Variants in SHISA9 observed in about 807,000 individuals in gnomAD.
The protein encoded by SHISA9 is shisa family member 9.
Under a neutral mutation model 38.0 loss-of-function variants are expected in SHISA9, and 13 were observed. That is an observed-to-expected ratio of 0.34 (90% CI 0.22 to 0.54). The LOEUF (loss-of-function observed/expected upper bound fraction) is 0.54, where lower values mean the gene tolerates loss of function less well. Among genes scored for constraint, SHISA9 ranks in the 20% least tolerant of loss-of-function variants. The pLI is 0.91. For synonymous variants in SHISA9, 275 were observed against 242.0 expected, an observed-to-expected ratio of 1.14 and a Z score of -1.27; for missense variants, 538 against 575.8, an observed-to-expected ratio of 0.93 and a Z score of 0.67.
the SHISA9 span, among the ~76,000 whole-genome samples, chr16:13,490,366 T>C: frequency 6.6e-6 from 1 of 152,022 alleles, no homozygotes; most frequent in African/African-American, 2.4e-5. Flanking sequence ...CTGGGTGACA[T>C]GGACAGACCC....
chr16:13,267,340 G>A, the SHISA9 span, among the ~76,000 whole-genome samples: 2 of 152,098 alleles, frequency 1.3e-5, no homozygotes, highest in South Asian at 4.1e-4. Context: ...AATTAAAATG[G>A]CAATACTATT....
chr16:13,291,049 G>A, the SHISA9 span, among the ~76,000 whole-genome samples: 3 of 152,216 alleles, frequency 2.0e-5, no homozygotes, highest in Admixed American at 2.0e-4. Context: ...CTCTAGACTA[G>A]CCTCTGGCAC....
chr16:13,197,154 T>TAG (rs1224837606), intron 2 of SHISA9, among the ~76,000 whole-genome samples: 132 of 148,752 alleles, frequency 8.9e-4, no homozygotes, highest in Admixed American at 1.7e-3. Flanking sequence ...TGTATATATA[T>TAG]ATAGAGAGAG....
chr16:12,975,735 G>A (rs967118396), intron 2 of SHISA9, among the ~76,000 whole-genome samples: 1 of 151,832 alleles, frequency 6.6e-6, no homozygotes, highest in African/African-American at 2.4e-5. Flanking sequence ...AATTGTAGGT[G>A]GGGCTGGGAG....
chr16:13,363,110 G>C, the SHISA9 span, among the ~76,000 whole-genome samples: 1 of 152,200 alleles, frequency 6.6e-6, no homozygotes, highest in Non-Finnish European at 1.5e-5. Context: ...AGAGATGAGA[G>C]AATGTGGATT....
chr16:13,136,237 T>C (rs1031660796), intron 2 of SHISA9, among the ~76,000 whole-genome samples: 1 of 152,092 alleles, frequency 6.6e-6, no homozygotes, highest in East Asian at 1.9e-4. Context: ...TGGGCACTTA[T>C]AGGGCAATAT....
At chr16:13,209,194 T>G (rs575905592) in intron 3 of SHISA9, among the ~76,000 whole-genome samples, 1 of 152,240 alleles carries the variant, frequency 6.6e-6, no homozygotes, top group African/African-American at 2.4e-5. Flanking sequence ...TGCAGCATAT[T>G]AAAGACCCAG....
At position 12,916,671 on chromosome 16, in the gene SHISA9, ATTCT is replaced by A. The variant is rs2071262267; in HGVS notation, c.564-11_564-8del. ...TTGTGTTTTGAATGAACAGATTTAAATTCTTTCTTCTTTCAGGGCCCTTGCGGAT... is the reference window on the plus strand; with the variant it reads ...TTGTGTTTTGAATGAACAGATTTAAATTCTTCTTTCAGGGCCCTTGCGGAT... On this transcript the variant is annotated splice_polypyrimidine_tract_variant and intron_variant, in intron 1 of 4. Transcript: ENST00000558583. The A allele has an allele frequency of 1.3e-6, 2 of 1,546,468 alleles. No individual in the cohort carries two copies. The highest frequency in any genetic ancestry group is 8.7e-7 in the Non-Finnish European group (1 of 1,145,230).
intron 2 of SHISA9, among the ~76,000 whole-genome samples, chr16:13,128,231 GGAAGA>G (rs1050926953): frequency 1.3e-5 from 2 of 152,172 alleles, no homozygotes; most frequent in African/African-American, 4.8e-5. Context: ...GGAAAGGAAG[GGAAGA>G]GAAGACAGGT....
chr16:13,375,892 C>T, the SHISA9 span, among the ~76,000 whole-genome samples: 3 of 152,240 alleles, frequency 2.0e-5, no homozygotes, highest in African/African-American at 2.4e-5. Context: ...TCCTAGCTCC[C>T]GTTTTTGCAG....
Position 13,025,493 on chromosome 16 carries a change from G to A in SHISA9, c.691+108678G>A, listed in dbSNP as rs144995896. 1.7e-3 allele frequency among the ~76,000 whole-genome samples: 258 copies of A among 152,320 alleles called. 1 individual carries two copies. The highest frequency in any genetic ancestry group is 5.7e-3 in the African/African-American group (236 of 41,572). On this transcript the variant is annotated intron_variant, in intron 2 of 4. Coordinates refer to ENST00000558583, the MANE Select transcript of SHISA9 (RefSeq NM_001145204.3). ...AACCCCTGAGGAGCTTTAGAAAATAGCGATGCCTCTGTCCCACCTCTAGAG... is the reference window on the plus strand; with the variant it reads ...AACCCCTGAGGAGCTTTAGAAAATAACGATGCCTCTGTCCCACCTCTAGAG...
At chr16:13,433,012 C>T in the SHISA9 span, among the ~76,000 whole-genome samples, 16 of 151,656 alleles carry the variant, frequency 1.1e-4, no homozygotes, top group Non-Finnish European at 2.2e-4. Context: ...AGCAAACCCC[C>T]ATGACACAAG....
the SHISA9 span, among the ~76,000 whole-genome samples, chr16:13,383,195 G>C: frequency 6.6e-6 from 1 of 152,192 alleles, no homozygotes; most frequent in Non-Finnish European, 1.5e-5. Context: ...GCTATTTTAC[G>C]AGAGTGGTTA....
chr16:13,038,044 A>G (rs1320883837), intron 2 of SHISA9, among the ~76,000 whole-genome samples: 1 of 152,152 alleles, frequency 6.6e-6, no homozygotes, highest in Non-Finnish European at 1.5e-5. Flanking sequence ...AGGCTGGCGT[A>G]CAGTGGCAAG....
the SHISA9 span, among the ~76,000 whole-genome samples, chr16:13,346,624 T>C: frequency 6.6e-6 from 1 of 152,168 alleles, no homozygotes; most frequent in Admixed American, 6.5e-5. Flanking sequence ...TCTCTTTTAT[T>C]TTATTATTTA....
chr16:13,461,997 C>T, the SHISA9 span, among the ~76,000 whole-genome samples: 1 of 152,032 alleles, frequency 6.6e-6, no homozygotes, highest in African/African-American at 2.4e-5. Flanking sequence ...TAGTATTTTC[C>T]AGTCTTATTA....
chr16:12,957,732 G>A (rs371163010), intron 2 of SHISA9, among the ~76,000 whole-genome samples: 6 of 152,042 alleles, frequency 3.9e-5, no homozygotes, highest in East Asian at 1.9e-4. Context: ...AACAACAAGC[G>A]TATTTTTTTG....
chr16:12,927,726 A>T (rs759523860), intron 2 of SHISA9, among the ~76,000 whole-genome samples: 2 of 151,978 alleles, frequency 1.3e-5, no homozygotes, highest in Non-Finnish European at 2.9e-5. Flanking sequence ...ACTTATGTAG[A>T]TCCAAATCTT....
At chr16:13,016,364 G>A (rs2072757600) in intron 2 of SHISA9, among the ~76,000 whole-genome samples, 1 of 152,108 alleles carries the variant, frequency 6.6e-6, no homozygotes. Context: ...TAGTCTTTTT[G>A]CACACTGTGG....
Sources: gnomAD v4.1 joint callset for allele counts (sites outside exome capture counted in the v4.1 genomes callset) on GRCh38, gnomAD v4.1.1 for gene constraint, MANE v1.5 for transcripts, NCBI Gene and HGNC (gene_info 2026-07-23, HGNC 2026-07-21) for gene names.